The following COPG2 variants were observed in gnomAD, a reference collection of about 807,000 sequenced individuals.
The protein encoded by COPG2 is coatomer subunit gamma-2.
A neutral mutation model predicts 46.3 loss-of-function variants in COPG2; 37 were observed. The observed-to-expected ratio is 0.80, with a 90% confidence interval of 0.61 to 1.05. The LOEUF is 1.05. Among genes scored for constraint, COPG2 ranks in the 50% least tolerant of loss-of-function variants. The pLI, the probability that COPG2 is intolerant of heterozygous loss-of-function variation, is 0.00. For missense variants in COPG2, 427 were observed against 387.8 expected (o/e 1.10, Z -0.85); for synonymous variants, 159 against 129.7 (o/e 1.23, Z -1.53).
In COPG2 at chr7:130,659,354, C is replaced by CAAAA. The variant is rs59413856; in HGVS notation, c.243+3609_243+3612dup. ...TGGGCGACAGAGCAAGACTCCGTCT[C>CAAAA]AAAAAAAAAAAAAACGAACAAACAA... On this transcript the variant is annotated intron_variant, in intron 4 of 23. Transcript: ENST00000425248. 1.3e-3 allele frequency among the ~76,000 whole-genome samples: 83 copies of CAAAA among 65,478 alleles called. 4 individuals are homozygous for CAAAA. The highest frequency in any genetic ancestry group is 1.6e-3 in the Non-Finnish European group (58 of 35,720). 43.0% of individuals were successfully genotyped at this position (65,478 alleles called of 152,430 possible).
chr7:130,609,961 C>G lies in COPG2; in HGVS notation c.737+992G>C, dbSNP rs554323066. On this transcript the variant is annotated intron_variant, in intron 9 of 23. Coordinates refer to ENST00000425248, the MANE Select transcript of COPG2 (RefSeq NM_012133.6). ...AGTTACAAAAGTTCACTTTACAAAA[C>G]TCCTTTGGTGTTCACTTTAGAGAAG... 7.9e-4 allele frequency: 317 copies of G among 402,540 alleles called. 1 individual carries two copies. The highest frequency in any genetic ancestry group is 1.3e-3 in the Non-Finnish European group (276 of 208,692). The allele number at this position is 402,540 out of a possible 1,614,324, so 24.9% of individuals were successfully genotyped here.
At chr7:130,535,987 T>C (rs1484157422) in intron 20 of COPG2, among the ~76,000 whole-genome samples, 3 of 151,800 alleles carry the variant, frequency 2.0e-5, no homozygotes, top group African/African-American at 7.3e-5. Context: ...TGGTCAGTGA[T>C]ATGAAAAGAG....
intron 5 of COPG2, among the ~76,000 whole-genome samples, chr7:130,637,195 T>C (rs1339274025): frequency 4.6e-5 from 7 of 152,206 alleles, no homozygotes; most frequent in African/African-American, 1.4e-4. Flanking sequence ...CTGACAATTA[T>C]GTGTTGTGGG....
chr7:130,609,932 C>A (rs1232087866), intron 9 of COPG2: 29 of 333,394 alleles, frequency 8.7e-5, no homozygotes, highest in Non-Finnish European at 1.5e-4. Flanking sequence ...ATGTAATTTA[C>A]AAAAGTTACA....
At position 130,508,913 on chromosome 7, in the gene COPG2, A is replaced by G. The variant is rs1454558443; in HGVS notation, c.2150-254T>C. The G allele has an allele frequency of 1.1e-5, 6 of 529,138 alleles. No homozygotes were observed. In the African/African-American group the frequency reaches 1.2e-4, roughly 10 times the overall value. 32.8% of individuals were successfully genotyped at this position (529,138 alleles called of 1,614,324 possible). Reference sequence around the variant, plus strand: ...GATAACATGGGCAGACTGTTTCTCTATTGGTATGAAGAAAGCAGCAGAGAG... The same window carrying G: ...GATAACATGGGCAGACTGTTTCTCTGTTGGTATGAAGAAAGCAGCAGAGAG... On this transcript the variant is annotated intron_variant, in intron 20 of 23. Transcript: ENST00000425248.
intron 20 of COPG2, among the ~76,000 whole-genome samples, chr7:130,541,399 G>T (rs1195801919): frequency 6.6e-6 from 1 of 151,858 alleles, no homozygotes; most frequent in African/African-American, 2.4e-5. Context: ...TTGAAGACAC[G>T]GGCCTTAAGG....
chr7:130,526,820 A>G (rs1799778702), intron 20 of COPG2, among the ~76,000 whole-genome samples: 1 of 57,038 alleles, frequency 1.8e-5, no homozygotes, highest in Non-Finnish European at 3.7e-5. Context: ...CCGGCGGGAA[A>G]GGGTGGGTGG....
chr7:130,611,120 A>G lies in COPG2; in HGVS notation c.580-10T>C. The G allele has an allele frequency of 6.2e-7, 1 of 1,606,146 alleles. No homozygotes were observed. On this transcript the variant is annotated splice_polypyrimidine_tract_variant and intron_variant, in intron 8 of 23. Coordinates refer to ENST00000425248, the MANE Select transcript of COPG2 (RefSeq NM_012133.6). ...CTCCCAATGCATGGTACTAAAGAAC[A>G]TGAAAAAGAAGGTAGCACATGGATT...
chr7:130,654,241 C>A (rs1299149865), intron 4 of COPG2, among the ~76,000 whole-genome samples: 1 of 152,042 alleles, frequency 6.6e-6, no homozygotes, highest in African/African-American at 2.4e-5. Flanking sequence ...TGAATAAAAT[C>A]AGAACAAAAA....
intron 9 of COPG2, among the ~76,000 whole-genome samples, chr7:130,583,462 A>G (rs1794196303): frequency 2.1e-5 from 3 of 145,514 alleles, no homozygotes; most frequent in South Asian, 2.2e-4. Flanking sequence ...TAACCTGCAC[A>G]ATGTGCACAT....
At chr7:130,654,690 T>C (rs1431611890) in intron 4 of COPG2, among the ~76,000 whole-genome samples, 1 of 152,168 alleles carries the variant, frequency 6.6e-6, no homozygotes, top group Non-Finnish European at 1.5e-5. Context: ...CAAAAACCCA[T>C]TGCAATTTTG....
intron 20 of COPG2, among the ~76,000 whole-genome samples, chr7:130,518,093 A>G (rs1204446030): frequency 6.6e-6 from 1 of 152,228 alleles, no homozygotes; most frequent in Admixed American, 6.5e-5. Flanking sequence ...ACTACGTATT[A>G]ATTATGGATA....
At chr7:130,525,805 G>A (rs937094915) in intron 20 of COPG2, among the ~76,000 whole-genome samples, 31 of 152,116 alleles carry the variant, frequency 2.0e-4, no homozygotes, top group Non-Finnish European at 1.2e-4. Flanking sequence ...GTTTGGTGCT[G>A]GAGTGTGGAC....
At chr7:130,532,360 A>C (rs1799835666) in intron 20 of COPG2, among the ~76,000 whole-genome samples, 1 of 152,154 alleles carries the variant, frequency 6.6e-6, no homozygotes, top group Non-Finnish European at 1.5e-5. Context: ...AGCAGACAGC[A>C]GGGGATCTGT....
At position 130,564,297 on chromosome 7, in the gene COPG2, A is replaced by T. The variant is rs1168342984; in HGVS notation, c.834T>A (p.Pro278=). 1 of 398,508 alleles carries T rather than the reference A, an allele frequency of 2.5e-6. No individual in the cohort carries two copies. The highest frequency in any genetic ancestry group is 4.4e-6 in the Non-Finnish European group (1 of 226,066). 24.7% of individuals were successfully genotyped at this position (398,508 alleles called of 1,614,324 possible). A position where few individuals can be genotyped will look rare whatever the true frequency, so the allele number is the denominator to read the frequency against. Residue 278 remains proline, a synonymous_variant, in exon 10 of 24, where the codon CCT becomes CCA. Transcript: ENST00000425248. ...YEAASAIIHL[P]NCTARELAPA... is the part of the protein sequence containing the mutation. ...GTGCCAACTCTCTTGCAGTGCAGTT[A>T]GGAAGATGGATGATAGCTGAAGCAG... is the stretch of plus-strand genomic sequence containing the variant.
intron 20 of COPG2, among the ~76,000 whole-genome samples, chr7:130,523,425 G>T (rs1799743939): frequency 6.6e-6 from 1 of 152,210 alleles, no homozygotes; most frequent in Admixed American, 6.5e-5. Context: ...CCGCCTTGGG[G>T]TCCTGCATCC....
intron 3 of COPG2, among the ~76,000 whole-genome samples, chr7:130,664,391 A>G (rs782546197): frequency 2.0e-5 from 3 of 152,218 alleles, no homozygotes; most frequent in Admixed American, 6.5e-5. Flanking sequence ...CATCAGCATG[A>G]GATTTATCTT....
chr7:130,621,837 G>T (rs201697447), intron 5 of COPG2, among the ~76,000 whole-genome samples: 1 of 151,282 alleles, frequency 6.6e-6, no homozygotes, highest in East Asian at 1.9e-4. Flanking sequence ...CCAGCTACTC[G>T]GGAGGCTGAG....
chr7:130,610,094 T>C lies in COPG2; in HGVS notation c.737+859A>G, dbSNP rs371049254. 1.2e-5 allele frequency: 6 copies of C among 519,612 alleles called. No homozygotes were observed. In the African/African-American group the frequency reaches 1.2e-4, roughly 10 times the overall value. 32.2% of individuals were successfully genotyped at this position (519,612 alleles called of 1,614,324 possible). On this transcript the variant is annotated intron_variant, in intron 9 of 23. Transcript: ENST00000425248. ...ACTGACTATTTTTTTCCCTCTTGTT[T>C]ATGGGTTACATGTCACTGCCTCTGT...
Sources: allele counts gnomAD v4.1 joint callset (sites outside exome capture counted in the v4.1 genomes callset), GRCh38; gene constraint gnomAD v4.1.1; transcripts MANE v1.5; gene names NCBI Gene and HGNC (gene_info 2026-07-23, HGNC 2026-07-21).